HELLS: variants seen among roughly 807,000 people sequenced by gnomAD.
HELLS encodes lymphoid-specific helicase.
In HELLS, 32 loss-of-function variants were observed where a neutral mutation model predicts 120.0. The observed-to-expected ratio is 0.27, with a 90% CI of 0.20 to 0.36. The LOEUF (loss-of-function observed/expected upper bound fraction) is 0.36. HELLS is among the 10% of genes least tolerant of loss of function. The pLI, the probability that HELLS is intolerant of heterozygous loss-of-function variation, is 1.00. For missense variants in HELLS, 650 were observed against 993.4 expected (o/e 0.65, Z 4.65); for synonymous variants, 341 against 323.4 (o/e 1.05, Z -0.58).
intron 10 of HELLS, chr10:94,577,413 C>T (rs1844552226): frequency 5.9e-6 from 1 of 169,066 alleles, no homozygotes; most frequent in Non-Finnish European, 1.3e-5. Flanking sequence ...TTAGTGCAGT[C>T]CCCTTAGGTT....
At chr10:94,595,452 G>A (rs1845694690) in intron 19 of HELLS, among the ~76,000 whole-genome samples, 1 of 152,186 alleles carries the variant, frequency 6.6e-6, no homozygotes, top group African/African-American at 2.4e-5. Flanking sequence ...TATTTTGCAA[G>A]TTCCATGTAT....
At chr10:94,553,402 C>G (rs973513053) in intron 2 of HELLS, among the ~76,000 whole-genome samples, 32 of 152,094 alleles carry the variant, frequency 2.1e-4, no homozygotes, top group African/African-American at 6.5e-4. Flanking sequence ...GCATGCGCCA[C>G]CACGTCCTGC....
chr10:94,590,696 A>G lies in HELLS; in HGVS notation c.1687A>G (p.Ile563Val). ...TGAAGTTAATCTGAAGCTGCAGAAT[A>G]TAATGATGCTACTTCGTAAATGTTG... ...ESEVNLKLQN[I>V]MMLLRKCCNH... The change falls in exon 15 of 22, where the codon ATA (isoleucine) becomes GTA (valine). Residue 563 changes from isoleucine to valine, a missense_variant. This residue lies in a region of HELLS where 191 missense variants were observed against 259.7 expected (regional missense o/e 0.74). Transcript: ENST00000348459. 6.2e-7 allele frequency: 1 copy of G among 1,608,080 alleles called. No individual in the cohort carries two copies. Among genetic ancestry groups the G allele is most frequent in the South Asian group, 1.1e-5 (1 of 90,672 alleles).
Position 94,589,231 on chromosome 10 carries a change from A to G in HELLS, c.1488+841A>G, listed in dbSNP as rs554758580. 5.3e-5 allele frequency among the ~76,000 whole-genome samples: 8 copies of G among 152,356 alleles called. No homozygotes were observed. The East Asian group carries it at 1.3e-3, about 26-fold the overall frequency. On this transcript the variant is annotated intron_variant, in intron 13 of 21. Transcript: ENST00000348459. ...TTTCTGGAGATGAACTTGGAAATGCATTTTTAACAAGCACACAGGTAGGTA... is the reference window on the plus strand; with the variant it reads ...TTTCTGGAGATGAACTTGGAAATGCGTTTTTAACAAGCACACAGGTAGGTA...
At chr10:94,552,669 T>C (rs941144789) in intron 2 of HELLS, among the ~76,000 whole-genome samples, 2 of 152,254 alleles carry the variant, frequency 1.3e-5, no homozygotes, top group Non-Finnish European at 2.9e-5. Context: ...GCTGGATTCA[T>C]GTTACAGAAT....
At chr10:94,600,224 G>A (rs1845960586) in intron 21 of HELLS, among the ~76,000 whole-genome samples, 1 of 151,772 alleles carries the variant, frequency 6.6e-6, no homozygotes, top group Non-Finnish European at 1.5e-5. Flanking sequence ...CTGGCAGGTG[G>A]AGGTTGCAGT....
chr10:94,563,213 A>C (rs1353333585), intron 6 of HELLS, among the ~76,000 whole-genome samples: 9 of 151,774 alleles, frequency 5.9e-5, no homozygotes, highest in Non-Finnish European at 1.3e-4. Flanking sequence ...CTCCTGTCTC[A>C]GCCTCCCAAG....
Position 94,582,920 on chromosome 10 carries a change from T to C in HELLS, c.1230-43T>C, listed in dbSNP as rs768118412. On this transcript the variant is annotated intron_variant, in intron 11 of 21. Transcript: ENST00000348459. Reference sequence around the variant, plus strand: ...TAAATCATGTATCATGTTGACATAATTGAATTTATGTGATGGTTAACTTAA... The same window carrying C: ...TAAATCATGTATCATGTTGACATAACTGAATTTATGTGATGGTTAACTTAA... 1.2e-5 allele frequency: 12 copies of C among 1,027,154 alleles called. No homozygotes were observed. In the Admixed American group the frequency reaches 2.4e-4, roughly 20 times the overall value. 63.6% of individuals were successfully genotyped at this position (1,027,154 alleles called of 1,614,324 possible). A position where few individuals can be genotyped will look rare whatever the true frequency, so the allele number is the denominator to read the frequency against.
chr10:94,588,092 A>G (rs1306259969), intron 12 of HELLS, 137 bp from the exon 13 acceptor site: 5 of 480,178 alleles, frequency 1.0e-5, no homozygotes, highest in African/African-American at 9.9e-5. Context: ...AAATCTCAAG[A>G]TATTTTCACC....
chr10:94,564,272 C>T (rs557353983), intron 6 of HELLS, among the ~76,000 whole-genome samples: 1 of 152,034 alleles, frequency 6.6e-6, no homozygotes, highest in African/African-American at 2.4e-5. Context: ...ATATATGTTG[C>T]GGAGAGTTGG....
In HELLS at chr10:94,574,543, A is replaced by AT. The variant is rs779026797; in HGVS notation, c.706-7dup. On this transcript the variant is annotated splice_polypyrimidine_tract_variant and intron_variant, in intron 8 of 21. Coordinates refer to ENST00000348459, the MANE Select transcript of HELLS (RefSeq NM_018063.5). ...TCCAAGTTTAAATACAGTATCTATT[A>AT]TTTTGTCCAGATGCTTTGGGAAAAT... 4.4e-6 allele frequency: 7 copies of AT among 1,598,866 alleles called. No individual in the cohort carries two copies. The highest frequency in any genetic ancestry group is 1.7e-5 in the Admixed American group (1 of 59,884).
chr10:94,567,403 A>AT (rs1314393200), intron 6 of HELLS, among the ~76,000 whole-genome samples: 1 of 152,040 alleles, frequency 6.6e-6, no homozygotes, highest in African/African-American at 2.4e-5. Flanking sequence ...GGTTCAAGCG[A>AT]TTCTCCTGCC....
At chr10:94,595,225 C>T (rs1477655467) in intron 19 of HELLS, among the ~76,000 whole-genome samples, 1 of 142,274 alleles carries the variant, frequency 7.0e-6, no homozygotes, top group Non-Finnish European at 1.6e-5. Flanking sequence ...AAGACTCTGT[C>T]TCAAAAAAAA....
intron 10 of HELLS, 91 bp from the exon 11 acceptor site, chr10:94,581,230 TCCATC>T: frequency 3.1e-6 from 2 of 640,758 alleles, no homozygotes; most frequent in Non-Finnish European, 5.2e-6. Flanking sequence ...AAATTCAACA[TCCATC>T]CCTCATAATA....
At chr10:94,568,928 G>A (rs1289479917) in intron 6 of HELLS, among the ~76,000 whole-genome samples, 1 of 151,202 alleles carries the variant, frequency 6.6e-6, no homozygotes, top group Non-Finnish European at 1.5e-5. Context: ...AGCAACATCC[G>A]CCTCTCAGGT....
intron 2 of HELLS, among the ~76,000 whole-genome samples, 153 bp from the exon 3 acceptor site, chr10:94,553,973 A>T (rs1459656975): frequency 6.7e-6 from 1 of 150,062 alleles, no homozygotes; most frequent in Non-Finnish European, 1.5e-5. Flanking sequence ...CCCAAAAACT[A>T]TTTTTTTTTT....
Position 94,582,952 on chromosome 10 carries a change from T to TTC in HELLS, c.1230-7_1230-6dup. 1 of 1,511,330 alleles carries TTC rather than the reference T, an allele frequency of 6.6e-7. No homozygotes were observed. The highest frequency in any genetic ancestry group is 9.1e-7 in the Non-Finnish European group (1 of 1,100,398). 93.6% of individuals were successfully genotyped at this position (1,511,330 alleles called of 1,614,324 possible). A position where few individuals can be genotyped will look rare whatever the true frequency, so the allele number is the denominator to read the frequency against. The stretch of plus-strand genomic sequence containing the variant: ...TATGTGATGGTTAACTTAAACATTT[T>TTC]TCTCTTCCAGCTTTGAGTCTTGGTT... On this transcript the variant is annotated splice_polypyrimidine_tract_variant and intron_variant, in intron 11 of 21. Transcript: ENST00000348459.
intron 9 of HELLS, 139 bp downstream of exon 9, chr10:94,574,875 C>A: frequency 1.6e-6 from 1 of 616,898 alleles, no homozygotes; most frequent in Non-Finnish European, 2.7e-6. Context: ...CTTACTCAAT[C>A]TGCACAATAC....
chr10:94,568,780 A>G (rs1269400445), intron 6 of HELLS, among the ~76,000 whole-genome samples: 1 of 152,148 alleles, frequency 6.6e-6, no homozygotes, highest in Non-Finnish European at 1.5e-5. Flanking sequence ...TTTTCTTTGT[A>G]TTACGGAAAA....
Sources: gnomAD v4.1 joint callset for allele counts (sites outside exome capture counted in the v4.1 genomes callset) on GRCh38, gnomAD v4.1.1 for gene constraint, gnomAD v4.1.1 regional missense constraint, MANE v1.5 for transcripts, NCBI Gene and HGNC (gene_info 2026-07-23, HGNC 2026-07-21) for gene names.